NEK9: variants seen among roughly 807,000 people sequenced by gnomAD.
NEK9 encodes the protein NIMA related kinase 9.
Under a neutral mutation model 123.4 loss-of-function variants are expected in NEK9, and 75 were observed. That is an observed-to-expected ratio of 0.61 (90% confidence interval 0.50 to 0.74). The LOEUF is 0.74. Ranked by LOEUF, NEK9 falls within the 30% of genes least tolerant of loss-of-function variation. NEK9 has a pLI of 0.00. For synonymous variants in NEK9, 438 were observed against 458.7 expected (o/e 0.95, Z 0.58); for missense variants, 952 against 1,214.4 (o/e 0.78, Z 3.21).
chr14:75,103,054 A>C (rs1273676171), intron 14 of NEK9, among the ~76,000 whole-genome samples: 1 of 142,842 alleles, frequency 7.0e-6, no homozygotes, highest in Non-Finnish European at 1.5e-5. Context: ...AGGGTGGGGG[A>C]AGGGGGGAGG....
intron 13 of NEK9, among the ~76,000 whole-genome samples, chr14:75,104,931 G>A (rs1228829722): frequency 6.6e-6 from 1 of 152,238 alleles, no homozygotes; most frequent in African/African-American, 2.4e-5. Flanking sequence ...TGAGAAAGAA[G>A]CTTCAATTCA....
chr14:75,099,782 C>CAAA (rs11446568), intron 16 of NEK9, among the ~76,000 whole-genome samples: 6 of 118,458 alleles, frequency 5.1e-5, no homozygotes, highest in East Asian at 2.4e-4. Flanking sequence ...GATTGTGTCT[C>CAAA]AAAAAAAAAA....
At chr14:75,096,212 G>A (rs1894376540) in intron 17 of NEK9, among the ~76,000 whole-genome samples, 1 of 151,570 alleles carries the variant, frequency 6.6e-6, no homozygotes, top group Admixed American at 6.6e-5. Flanking sequence ...GAACCTGGGA[G>A]GATGCAGTGA....
At chr14:75,088,763 G>A in intron 19 of NEK9, 122 bp from the exon 20 acceptor site, 1 of 827,272 alleles carries the variant, frequency 1.2e-6, no homozygotes, top group South Asian at 1.8e-5. Flanking sequence ...GGGCAAGACA[G>A]TTGTGGTTAA....
chr14:75,094,664 C>T (rs1458883784), intron 18 of NEK9, among the ~76,000 whole-genome samples: 1 of 152,048 alleles, frequency 6.6e-6, no homozygotes, highest in Non-Finnish European at 1.5e-5. Context: ...CCTGTAATCC[C>T]AGCTACTTGG....
At chr14:75,111,318 G>A (rs1483402477) in intron 8 of NEK9, among the ~76,000 whole-genome samples, 1 of 152,118 alleles carries the variant, frequency 6.6e-6, no homozygotes, top group African/African-American at 2.4e-5. Context: ...GTAGTGCTCA[G>A]GCATCAGTAC....
At chr14:75,111,099 T>C (rs1894944748) in intron 8 of NEK9, among the ~76,000 whole-genome samples, 1 of 152,226 alleles carries the variant, frequency 6.6e-6, no homozygotes, top group South Asian at 2.1e-4. Flanking sequence ...TCACGTGAAC[T>C]GCCCTCTCGC....
At position 75,083,621 on chromosome 14, in the gene NEK9, G is replaced by C. The variant is rs1268415724; in HGVS notation, c.*943C>G. ...TGATATCAAGATCAGAACCCTAAGA[G>C]CCATGAAGGCAGAGGCTCAAAGAAG... On this transcript the variant is annotated 3_prime_UTR_variant, in exon 22 of 22. Coordinates refer to ENST00000238616, the MANE Select transcript of NEK9 (RefSeq NM_033116.6). The C allele has an allele frequency of 6.6e-6, 1 of 152,252 alleles. No individual in the cohort carries two copies. The highest frequency in any genetic ancestry group is 6.5e-5 in the Admixed American group (1 of 15,288). 9.4% of individuals were successfully genotyped at this position (152,252 alleles called of 1,614,324 possible). A position where few individuals can be genotyped will look rare whatever the true frequency, so the allele number is the denominator to read the frequency against.
chr14:75,123,060 G>A (rs900691283), intron 2 of NEK9, among the ~76,000 whole-genome samples: 17 of 152,006 alleles, frequency 1.1e-4, no homozygotes, highest in South Asian at 2.1e-4. Context: ...TTCTCAAAGC[G>A]CTGGGATTAC....
chr14:75,090,641 G>A (rs767669122), intron 19 of NEK9, among the ~76,000 whole-genome samples: 3 of 150,952 alleles, frequency 2.0e-5, no homozygotes, highest in Non-Finnish European at 2.9e-5. Context: ...GGCACAGCTC[G>A]GCTCACTTCA....
At chr14:75,113,468 T>TGG (rs1395389671) in intron 7 of NEK9, 65 bp from the exon 8 acceptor site, 3 of 1,179,038 alleles carry the variant, frequency 2.5e-6, no homozygotes, top group African/African-American at 3.0e-5. Flanking sequence ...TCTAAAGATG[T>TGG]TAATTAGTCA....
At chr14:75,118,741 T>C (rs1282212965) in intron 5 of NEK9, 89 bp downstream of exon 5, 12 of 787,268 alleles carry the variant, frequency 1.5e-5, no homozygotes, top group Non-Finnish European at 2.1e-5. Context: ...TGCAAGAATA[T>C]TGAGAAAAGT....
At position 75,103,841 on chromosome 14, in the gene NEK9, CT is replaced by C; in HGVS notation, c.1731del (p.Ala578HisfsTer42). ...NQCMSGIINH[E>X]AYHEVPYTTS... ...GTTAGAACACCAATCAGGACACTCA[CT>C]TCATGGTTGATAATTCCCGACATGC... On this transcript the variant is annotated frameshift_variant and splice_region_variant, in exon 14 of 22. Transcript: ENST00000238616. LOFTEE classifies it high-confidence loss of function. 1 of 1,609,902 alleles carries C rather than the reference CT, an allele frequency of 6.2e-7. No homozygotes were observed. Among genetic ancestry groups the C allele is most frequent in the Non-Finnish European group, 8.5e-7 (1 of 1,178,590 alleles).
chr14:75,112,524 G>C (rs755960562), intron 8 of NEK9, among the ~76,000 whole-genome samples: 3 of 152,148 alleles, frequency 2.0e-5, no homozygotes, highest in Non-Finnish European at 4.4e-5. Flanking sequence ...AACAAATGCA[G>C]TGAAAAACAA....
rs754956064 is a variant in NEK9, at chr14:75,109,867, C to G, written c.1000G>C (p.Val334Leu). The change falls in exon 10 of 22, where the codon GTG becomes CTG. Residue 334 changes from valine (V) to leucine (L), a missense_variant. Coordinates refer to ENST00000238616, the MANE Select transcript of NEK9 (RefSeq NM_033116.6). ...APTKRPRSST[V>L]TEAPIAVVTS... ...ACTACAGCAATGGGTGCTTCAGTCA[C>G]AGTGCTTGACCTGCCAACAACCCCC... 1.2e-6 allele frequency: 2 copies of G among 1,608,314 alleles called. No homozygotes were observed. Among genetic ancestry groups the G allele is most frequent in the Non-Finnish European group, 1.7e-6 (2 of 1,177,988 alleles).
chr14:75,101,515 T>C (rs1894578562), intron 15 of NEK9, 142 bp downstream of exon 15: 2 of 557,968 alleles, frequency 3.6e-6, no homozygotes, highest in Non-Finnish European at 6.3e-6. Context: ...TCAATAAAAA[T>C]ATGTACCTGA....
At chr14:75,106,815 G>T (rs1041697023) in intron 11 of NEK9, 113 bp from the exon 12 acceptor site, 5 of 752,906 alleles carry the variant, frequency 6.6e-6, no homozygotes, top group South Asian at 5.5e-5. Context: ...CACATGAATT[G>T]ATTATATCCA....
Position 75,126,804 on chromosome 14 carries a change from C to T in NEK9, c.118G>A (p.Ala40Thr), listed in dbSNP as rs1234406335. The T allele has an allele frequency of 1.3e-6, 2 of 1,531,940 alleles. No homozygotes were observed. Among genetic ancestry groups the T allele is most frequent in the Admixed American group, 4.1e-5 (2 of 49,336 alleles). 94.9% of individuals were successfully genotyped at this position (1,531,940 alleles called of 1,614,324 possible). A position where few individuals can be genotyped will look rare whatever the true frequency, so the allele number is the denominator to read the frequency against. ...PGPSASQGPR[A>T]GGGAAEQEEL... is the part of the protein sequence containing the mutation. ...TCCTGCTCCGCCGCGCCGCCGCCGGCTCGCGGCCCCTGACTGGCGCTAGGC... is the reference window on the plus strand; with the variant it reads ...TCCTGCTCCGCCGCGCCGCCGCCGGTTCGCGGCCCCTGACTGGCGCTAGGC... The change falls in exon 1 of 22, where the codon GCC (alanine) becomes ACC (threonine). Residue 40 changes from alanine (A) to threonine (T), a missense_variant. Physicochemically the swap from Ala to Thr is moderately conservative, Grantham distance 58. Transcript: ENST00000238616.
Position 75,083,074 on chromosome 14 carries a change from T to C in NEK9, c.*1490A>G, listed in dbSNP as rs948978293. 8.3e-5 allele frequency: 33 copies of C among 398,472 alleles called. No homozygotes were observed. Among genetic ancestry groups the C allele is most frequent in the Non-Finnish European group, 1.4e-4 (31 of 226,058 alleles). The allele number at this position is 398,472 out of a possible 1,614,324, so 24.7% of individuals were successfully genotyped here. A position where few individuals can be genotyped will look rare whatever the true frequency, so the allele number is the denominator to read the frequency against. On this transcript the variant is annotated 3_prime_UTR_variant, in exon 22 of 22. Coordinates refer to ENST00000238616, the MANE Select transcript of NEK9 (RefSeq NM_033116.6). ...CTTTATGCCACCAGTTTTGGAGAAATGGCAAAATTTCCATTGCACAAGACC... is the reference window on the plus strand; with the variant it reads ...CTTTATGCCACCAGTTTTGGAGAAACGGCAAAATTTCCATTGCACAAGACC...
Sources: allele counts gnomAD v4.1 joint callset (sites outside exome capture counted in the v4.1 genomes callset), GRCh38; gene constraint gnomAD v4.1.1; transcripts MANE v1.5; gene names NCBI Gene and HGNC (gene_info 2026-07-23, HGNC 2026-07-21).